Variants in HNRNPM observed in about 807,000 individuals in gnomAD.
HNRNPM encodes heterogeneous nuclear ribonucleoprotein M, also known as CEA receptor.
HNRNPM carries 11 observed loss-of-function variants against 73.1 expected under a neutral mutation model. That is an observed-to-expected ratio of 0.15 (90% confidence interval 0.09 to 0.25). HNRNPM has a LOEUF of 0.25. Ranked by LOEUF, HNRNPM falls within the 10% of genes least tolerant of loss-of-function variation. The probability of loss-of-function intolerance (pLI) is 1.00; values close to 1 mark genes in which losing one functional copy is unlikely to be tolerated. For synonymous variants in HNRNPM, 407 were observed against 355.2 expected (o/e 1.15, Z -1.64); for missense variants, 789 against 1,067.9 (o/e 0.74, Z 3.64).
At chr19:8,446,056 A>G (rs966620403) in intron 1 of HNRNPM, among the ~76,000 whole-genome samples, 25 of 152,200 alleles carry the variant, frequency 1.6e-4, no homozygotes, top group African/African-American at 4.6e-4. Flanking sequence ...TAAGAGAGAC[A>G]GAGAGGTTTT....
Position 8,486,034 on chromosome 19 carries a change from G to T in HNRNPM, c.1606G>T (p.Gly536Cys). ...GAGCATGGAGCGCATGGTGCCCGCA[G>T]GTATGGGAGCTGGCCTGGAGCGCAT... ...GLSMERMVPA[G>C]MGAGLERMGP... Residue 536 changes from glycine (G) to cysteine (C), a missense_variant, in exon 14 of 16, where the codon GGT (glycine) becomes TGT (cysteine). Coordinates refer to ENST00000325495, the MANE Select transcript of HNRNPM (RefSeq NM_005968.5). 6.2e-7 allele frequency: 1 copy of T among 1,606,074 alleles called. No individual in the cohort carries two copies.
rs1056895354 is a variant in HNRNPM at position 8,486,169 on chromosome 19, C to T, written c.1741C>T (p.Leu581=). The T allele has an allele frequency of 6.2e-7, 1 of 1,605,600 alleles. No individual in the cohort carries two copies. ...CGCCAACAGCCTCGAGCGCATGGGCCTGGAGCGCATGGGTGCCAACAGCCT... is the reference window on the plus strand; with the variant it reads ...CGCCAACAGCCTCGAGCGCATGGGCTTGGAGCGCATGGGTGCCAACAGCCT... The part of the protein sequence containing the change: ...MGANSLERMG[L]ERMGANSLER... The change falls in exon 14 of 16, where the codon CTG becomes TTG. Residue 581 remains leucine (L), a synonymous_variant. Transcript: ENST00000325495.
chr19:8,457,871 AGG>A (rs1969128989), intron 2 of HNRNPM, among the ~76,000 whole-genome samples: 1 of 152,246 alleles, frequency 6.6e-6, no homozygotes, highest in African/African-American at 2.4e-5. Flanking sequence ...TGGCAGATAG[AGG>A]CACTTACAAC....
At chr19:8,448,639 G>A (rs1968389997) in intron 1 of HNRNPM, among the ~76,000 whole-genome samples, 2 of 151,782 alleles carry the variant, frequency 1.3e-5, no homozygotes, top group South Asian at 4.2e-4. Flanking sequence ...CACCATGCCT[G>A]GCTAATTTTT....
chr19:8,487,236 C>T (rs1971378177), intron 15 of HNRNPM, 161 bp downstream of exon 15: 1 of 696,276 alleles, frequency 1.4e-6, no homozygotes, highest in Non-Finnish European at 2.6e-6. Flanking sequence ...GTTGAGTGTC[C>T]TGTGATGTGT....
chr19:8,457,735 G>C (rs1006109119), intron 2 of HNRNPM, among the ~76,000 whole-genome samples: 1 of 152,174 alleles, frequency 6.6e-6, no homozygotes, highest in Non-Finnish European at 1.5e-5. Flanking sequence ...CTTTCAAAAA[G>C]ACGTTTTTAT....
intron 15 of HNRNPM, 199 bp from the exon 16 acceptor site, chr19:8,488,492 A>G (rs1468228744): frequency 1.3e-5 from 6 of 463,038 alleles, no homozygotes; most frequent in Non-Finnish European, 2.3e-5. Context: ...ATCCGCCAGG[A>G]AGGCTTTTCA....
At chr19:8,488,601 A>G in intron 15 of HNRNPM, 90 bp from the exon 16 acceptor site, 1 of 1,184,610 alleles carries the variant, frequency 8.4e-7, no homozygotes, top group Non-Finnish European at 1.2e-6. Context: ...TTTGTGCTCT[A>G]GGCTTCAGGG....
chr19:8,467,477 G>T, intron 7 of HNRNPM, 58 bp from the exon 8 acceptor site: 1 of 1,299,222 alleles, frequency 7.7e-7, no homozygotes, highest in African/African-American at 1.5e-5. Context: ...CTTTCTTTTT[G>T]TATTTCTCTT....
chr19:8,459,220 G>A (rs1188341181), intron 2 of HNRNPM, among the ~76,000 whole-genome samples: 3 of 152,184 alleles, frequency 2.0e-5, no homozygotes, highest in Non-Finnish European at 2.9e-5. Context: ...GCCGCAGCCT[G>A]CATTTTAGAA....
At chr19:8,476,106 C>T (rs576415192) in intron 12 of HNRNPM, among the ~76,000 whole-genome samples, 3 of 152,072 alleles carry the variant, frequency 2.0e-5, no homozygotes, top group East Asian at 1.9e-4. Flanking sequence ...GCCTGGGGTA[C>T]GCGGTGGCAA....
rs771392835 is a variant in HNRNPM at position 8,445,090 on chromosome 19, A to T, written c.92A>T (p.Asn31Ile). 7.0e-7 allele frequency: 1 copy of T among 1,422,968 alleles called. No homozygotes were observed. Among genetic ancestry groups the T allele is most frequent in the African/African-American group, 1.5e-5 (1 of 66,716 alleles). The allele number at this position is 1,422,968 out of a possible 1,614,324, so 88.1% of individuals were successfully genotyped here. Residue 31 changes from asparagine (N) to isoleucine (I), a missense_variant, in exon 1 of 16, where the codon AAC becomes ATC. Asn to Ile is a moderately radical substitution (Grantham distance 149). Coordinates refer to ENST00000325495, the MANE Select transcript of HNRNPM (RefSeq NM_005968.5). Reference sequence around the variant, plus strand: ...GGCGCGCCCGGCGTGCCGAGCGGCAACGGGGCTCCGGGCCCTAAGGGGTGA... The same window carrying T: ...GGCGCGCCCGGCGTGCCGAGCGGCATCGGGGCTCCGGGCCCTAAGGGGTGA... ...ESGAPGVPSGNGAPGPKGEGE... is the reference protein window; with the variant it reads ...ESGAPGVPSGIGAPGPKGEGE...
In HNRNPM at chr19:8,464,618, G is replaced by A. The variant is rs117604594; in HGVS notation, c.439-706G>A. Reference sequence around the variant, plus strand: ...TTGAACTCCAGCCTGGGCAGTAAGAGCAAAGCTCTGTCTCAAAAAAACATC... The same window carrying A: ...TTGAACTCCAGCCTGGGCAGTAAGAACAAAGCTCTGTCTCAAAAAAACATC... On this transcript the variant is annotated intron_variant, in intron 5 of 15. Coordinates refer to ENST00000325495, the MANE Select transcript of HNRNPM (RefSeq NM_005968.5). Among the ~76,000 whole-genome samples the A allele has an allele frequency of 3.4e-4, 52 of 152,326 alleles. 1 individual carries two copies. In the East Asian group the frequency reaches 6.8e-3, roughly 20 times the overall value.
intron 8 of HNRNPM, 131 bp from the exon 9 acceptor site, chr19:8,468,643 T>C (rs530216887): frequency 4.4e-6 from 3 of 679,034 alleles, no homozygotes; most frequent in African/African-American, 3.6e-5. Flanking sequence ...TTTCTACCCT[T>C]GCGTATTACT....
At chr19:8,463,535 T>G in intron 4 of HNRNPM, 31 bp downstream of exon 4, 1 of 1,613,814 alleles carries the variant, frequency 6.2e-7, no homozygotes. Flanking sequence ...TATTGGTATT[T>G]GAGCCTTCTA....
chr19:8,448,531 C>T (rs1333088612), intron 1 of HNRNPM, among the ~76,000 whole-genome samples: 2 of 145,322 alleles, frequency 1.4e-5, no homozygotes, highest in South Asian at 2.2e-4. Context: ...AGTGCAGTGG[C>T]GCGATCTCAG....
rs1239415884 is a variant in HNRNPM, at chr19:8,486,255, G to C, written c.1827G>C (p.Leu609=). The change falls in exon 14 of 16, where the codon CTG becomes CTC. Residue 609 remains leucine (L), a synonymous_variant. Transcript: ENST00000325495. Reference sequence around the variant, plus strand: ...GCGCTGGCATTGAGCGCATGGGCCTGGCCATGGGTGGCGGTGGCGGTGCCA... The same window carrying C: ...GCGCTGGCATTGAGCGCATGGGCCTCGCCATGGGTGGCGGTGGCGGTGCCA... ...ALGAGIERMG[L]AMGGGGGASF... 6.2e-7 allele frequency: 1 copy of C among 1,602,854 alleles called. No individual in the cohort carries two copies. The highest frequency in any genetic ancestry group is 8.5e-7 in the Non-Finnish European group (1 of 1,179,718).
intron 1 of HNRNPM, among the ~76,000 whole-genome samples, chr19:8,450,017 G>A (rs1422625844): frequency 1.3e-5 from 2 of 152,170 alleles, no homozygotes; most frequent in Non-Finnish European, 2.9e-5. Context: ...ATGCATACAG[G>A]TTGCGCTGGT....
At chr19:8,484,453 A>G (rs983831335) in intron 13 of HNRNPM, among the ~76,000 whole-genome samples, 5 of 152,048 alleles carry the variant, frequency 3.3e-5, no homozygotes, top group African/African-American at 1.2e-4. Context: ...GATTACAGGC[A>G]TGAGCCACCA....
Sources: allele counts gnomAD v4.1 joint callset (sites outside exome capture counted in the v4.1 genomes callset), GRCh38; gene constraint gnomAD v4.1.1; transcripts MANE v1.5; gene names NCBI Gene and HGNC (gene_info 2026-07-23, HGNC 2026-07-21).